ABHD12: variants seen among roughly 807,000 people sequenced by gnomAD.
ABHD12 encodes the protein abhydrolase domain containing 12, lysophospholipase, also known as lysophosphatidylserine lipase ABHD12.
Under a neutral mutation model 58.3 loss-of-function variants are expected in ABHD12, and 43 were observed. The observed-to-expected ratio is 0.74, with a 90% CI of 0.58 to 0.95. The LOEUF (loss-of-function observed/expected upper bound fraction) is 0.95, where lower values mean the gene tolerates loss of function less well. Ranked by LOEUF, ABHD12 falls within the 40% of genes least tolerant of loss-of-function variation. The pLI is 0.00. For missense variants in ABHD12, 539 were observed against 537.2 expected (o/e 1.00, Z -0.03); for synonymous variants, 219 against 211.2 (o/e 1.04, Z -0.32).
intron 6 of ABHD12, among the ~76,000 whole-genome samples, chr20:25,314,216 G>A (rs995721344): frequency 3.9e-5 from 6 of 152,004 alleles, no homozygotes; most frequent in Admixed American, 6.6e-5. Context: ...CAAGTGATCC[G>A]CCTGCCTCAG....
intron 1 of ABHD12, among the ~76,000 whole-genome samples, chr20:25,339,930 C>T (rs574862631): frequency 2.6e-5 from 4 of 152,230 alleles, no homozygotes; most frequent in Non-Finnish European, 5.9e-5. Context: ...GACCCTTTTC[C>T]AGGCCCGTCA....
At chr20:25,377,874 T>A (rs1293303948) in intron 1 of ABHD12, among the ~76,000 whole-genome samples, 1 of 152,104 alleles carries the variant, frequency 6.6e-6, no homozygotes. Context: ...ATTTTTGTAT[T>A]TTTAGGATAG....
chr20:25,341,136 T>C (rs915937467), intron 1 of ABHD12, among the ~76,000 whole-genome samples: 1 of 152,234 alleles, frequency 6.6e-6, no homozygotes, highest in African/African-American at 2.4e-5. Flanking sequence ...CCTGGCACTC[T>C]GAAGTGGTGG....
chr20:25,330,960 C>T (rs977920998), intron 2 of ABHD12, among the ~76,000 whole-genome samples: 17 of 152,200 alleles, frequency 1.1e-4, no homozygotes, highest in Admixed American at 9.8e-4. Flanking sequence ...CAAAGCTGGA[C>T]GGAGAATGAC....
At chr20:25,296,204 G>A (rs1013427796), downstream of ABHD12, among the ~76,000 whole-genome samples, 1 of 152,158 alleles carries the variant, frequency 6.6e-6, no homozygotes, top group Non-Finnish European at 1.5e-5. Context: ...CTGGTCCGTG[G>A]GGTCCCCTTT....
chr20:25,312,804 T>G (rs1237101742), intron 6 of ABHD12, among the ~76,000 whole-genome samples: 4 of 129,862 alleles, frequency 3.1e-5, no homozygotes, highest in Admixed American at 1.5e-4. Flanking sequence ...CCGTCTGGGA[T>G]GTGAGGAGCG....
intron 1 of ABHD12, among the ~76,000 whole-genome samples, chr20:25,353,239 A>C (rs1488600024): frequency 6.9e-6 from 1 of 144,610 alleles, no homozygotes; most frequent in Non-Finnish European, 1.5e-5. Flanking sequence ...AGGGCAAGCC[A>C]TAGGTGTTTT....
At chr20:25,379,857 T>TC (rs908450949) in intron 1 of ABHD12, among the ~76,000 whole-genome samples, 1 of 151,788 alleles carries the variant, frequency 6.6e-6, no homozygotes, top group Admixed American at 6.6e-5. Context: ...CCTGGCTAAT[T>TC]CTTTTTTTTT....
Position 25,309,538 on chromosome 20 carries a change from G to A in ABHD12, c.657C>T (p.Gly219=). Residue 219 remains glycine, a synonymous_variant, in exon 7 of 13, where the codon GGC becomes GGT. Coordinates refer to ENST00000339157, the MANE Select transcript of ABHD12 (RefSeq NM_001042472.3). The part of the protein sequence containing the change: ...GDSVGTPSER[G]MTYDALHVFD... The stretch of plus-strand genomic sequence containing the variant: ...AAACGTGGAGTGCGTCATAGGTCAT[G>A]CCCCGCTCAGATGGCGTTCCCACTG... 1 of 1,614,210 alleles carries A rather than the reference G, an allele frequency of 6.2e-7. No individual in the cohort carries two copies. The highest frequency in any genetic ancestry group is 8.5e-7 in the Non-Finnish European group (1 of 1,180,016).
chr20:25,339,787 TAGGAAGCACGTAGACCA>T (rs2089431177), intron 1 of ABHD12: 4 of 1,246,878 alleles, frequency 3.2e-6, no homozygotes, highest in Non-Finnish European at 4.1e-6. Flanking sequence ...TAGCTCCTGG[TAGGAAGCACGTAGACCA>T]AGGACATCAA....
chr20:25,311,897 G>A (rs149205879), intron 6 of ABHD12, among the ~76,000 whole-genome samples: 1,911 of 152,080 alleles, frequency 0.013, 44 homozygotes, highest in African/African-American at 0.041. Context: ...TAGTAGAGGC[G>A]GGGTTTTGCC....
rs1048930924 is a variant in ABHD12 at position 25,323,372 on chromosome 20, C to T, written c.375G>A (p.Thr125=). The T allele has an allele frequency of 1.9e-5, 31 of 1,613,978 alleles. No homozygotes were observed. Among genetic ancestry groups the T allele is most frequent in the Non-Finnish European group, 2.4e-5 (28 of 1,179,956 alleles). ...KKPQDQGLNH[T]CNYYLQPEED... ...CCTCTGGCTGCAGGTAGTAGTTACA[C>T]GTGTGATTCAAACCTTGATCCTGTG... Residue 125 remains threonine, a synonymous_variant, in exon 3 of 13, where the codon ACG becomes ACA. Coordinates refer to ENST00000339157, the MANE Select transcript of ABHD12 (RefSeq NM_001042472.3).
At chr20:25,323,229 C>A (rs2089112983) in intron 3 of ABHD12, 96 bp downstream of exon 3, 1 of 808,342 alleles carries the variant, frequency 1.2e-6, no homozygotes, top group Non-Finnish European at 2.2e-6. Flanking sequence ...TAAAAATGAA[C>A]AACATTTCAG....
chr20:25,312,841 G>A (rs1308749095), intron 6 of ABHD12, among the ~76,000 whole-genome samples: 2 of 103,606 alleles, frequency 1.9e-5, no homozygotes, highest in African/African-American at 3.6e-5. Flanking sequence ...ACCCCGTCTG[G>A]GAGGTGAGGA....
Position 25,338,948 on chromosome 20 carries a change from G to A in ABHD12, c.316+279C>T, listed in dbSNP as rs1045958494. The A allele has an allele frequency of 2.6e-5, 32 of 1,225,296 alleles. No individual in the cohort carries two copies. The African/African-American group carries it at 4.5e-4, about 17-fold the overall frequency. 75.9% of individuals were successfully genotyped at this position (1,225,296 alleles called of 1,614,324 possible). On this transcript the variant is annotated intron_variant, in intron 2 of 12. Transcript: ENST00000339157. ...GTAGTCTTCTGTGGACAGAAATCCA[G>A]TGCTGGGGAGCAACACTAGCACAGA...
In ABHD12 at chr20:25,306,893, A is replaced by G; in HGVS notation, c.890T>C (p.Phe297Ser). ...FSVIYRYFPGFDWFFLDPITS... is the reference protein window; with the variant it reads ...FSVIYRYFPGSDWFFLDPITS... ...AATAGGATCAAGGAAGAACCAGTCA[A>G]ACCCAGGGAAGTATCGATATATCTG... The change falls in exon 10 of 13, where the codon TTT becomes TCT. Residue 297 changes from phenylalanine (F) to serine (S), a missense_variant. Transcript: ENST00000339157. The G allele has an allele frequency of 6.2e-7, 1 of 1,612,694 alleles. No individual in the cohort carries two copies. Among genetic ancestry groups the G allele is most frequent in the Non-Finnish European group, 8.5e-7 (1 of 1,178,912 alleles).
intron 2 of ABHD12, among the ~76,000 whole-genome samples, chr20:25,324,854 C>T (rs990873722): frequency 6.6e-5 from 10 of 152,098 alleles, no homozygotes; most frequent in Admixed American, 3.3e-4. Context: ...TAAGAAGTTT[C>T]TCTCAAAATA....
At chr20:25,363,956 C>G (rs1036153965) in intron 1 of ABHD12, among the ~76,000 whole-genome samples, 2 of 152,156 alleles carry the variant, frequency 1.3e-5, no homozygotes, top group African/African-American at 4.8e-5. Context: ...CAAAAAAAAG[C>G]TTTAGAATAA....
At chr20:25,366,993 T>C (rs1319080873) in intron 1 of ABHD12, among the ~76,000 whole-genome samples, 1 of 152,186 alleles carries the variant, frequency 6.6e-6, no homozygotes, top group East Asian at 1.9e-4. Context: ...TGGTACGAGA[T>C]CTCTGTATAT....
Sources: gnomAD v4.1 joint callset for allele counts (sites outside exome capture counted in the v4.1 genomes callset) on GRCh38, gnomAD v4.1.1 for gene constraint, MANE v1.5 for transcripts, NCBI Gene and HGNC (gene_info 2026-07-23, HGNC 2026-07-21) for gene names.